AOPEP: variants seen among roughly 807,000 people sequenced by gnomAD.
AOPEP encodes the protein aminopeptidase O.
AOPEP carries 77 observed loss-of-function variants against 98.1 expected under a neutral mutation model. The observed-to-expected ratio is 0.78, with a 90% CI of 0.65 to 0.95. AOPEP has a LOEUF of 0.95. Ranked by LOEUF, AOPEP falls within the 40% of genes least tolerant of loss-of-function variation. AOPEP has a pLI of 0.00. For missense variants in AOPEP, 1,024 were observed against 1,024.7 expected (o/e 1.00, Z 0.01); for synonymous variants, 346 against 365.3 (o/e 0.95, Z 0.60).
At position 95,067,909 on chromosome 9, in the gene AOPEP, T is replaced by G. The variant is rs543516622; in HGVS notation, c.2232+7099T>G. ...TCTATAGATTTGCCTATTCTGGGCC[T>G]TCACATAAATGGAATTATATATAAT... On this transcript the variant is annotated intron_variant, in intron 14 of 16. Coordinates refer to ENST00000375315, the MANE Select transcript of AOPEP (RefSeq NM_001193329.3). Among the ~76,000 whole-genome samples the G allele has an allele frequency of 2.6e-5, 4 of 152,348 alleles. No homozygotes were observed. The East Asian group carries it at 7.7e-4, about 29-fold the overall frequency.
intron 4 of AOPEP, among the ~76,000 whole-genome samples, chr9:94,798,451 G>A (rs117214877): frequency 0.037 from 5,685 of 152,240 alleles, 146 homozygotes; most frequent in Non-Finnish European, 0.059. Flanking sequence ...GGTTGTATAC[G>A]ATCACCAGAA....
intron 13 of AOPEP, among the ~76,000 whole-genome samples, chr9:95,010,430 T>C (rs10821433): frequency 0.11 from 16,068 of 152,204 alleles, 987 homozygotes; most frequent in East Asian, 0.18. Context: ...AATGAACCTA[T>C]GGAGTGCTGA....
At chr9:94,942,810 C>T (rs2057153363) in intron 7 of AOPEP, among the ~76,000 whole-genome samples, 1 of 148,890 alleles carries the variant, frequency 6.7e-6, no homozygotes, top group South Asian at 2.1e-4. Context: ...AGGAAAAATT[C>T]ATTTACATCG....
intron 13 of AOPEP, chr9:95,022,005 C>T (rs1193640009): frequency 6.6e-6 from 1 of 152,218 alleles, no homozygotes; most frequent in Non-Finnish European, 1.5e-5. Context: ...AAATCAGACA[C>T]TGCTACAGGA....
At chr9:95,125,002 GA>G in the AOPEP span, 2 of 1,178,286 alleles carry the variant, frequency 1.7e-6, no homozygotes, top group East Asian at 4.8e-5. Context: ...CAAAATTATT[GA>G]AAATAAAGTG....
rs2047713023 is a variant in AOPEP, at chr9:94,882,574, A to C, written c.1365-41412A>C. On this transcript the variant is annotated intron_variant, in intron 5 of 16. Coordinates refer to ENST00000375315, the MANE Select transcript of AOPEP (RefSeq NM_001193329.3). Reference sequence around the variant, plus strand: ...GTGGATCACTTGAGGTCAGGAGTTCAAGACCAGCCTGGCTAGTATGTTGAA... The same window carrying C: ...GTGGATCACTTGAGGTCAGGAGTTCCAGACCAGCCTGGCTAGTATGTTGAA... 2.0e-5 allele frequency among the ~76,000 whole-genome samples: 3 copies of C among 152,280 alleles called. No homozygotes were observed. In the South Asian group the frequency reaches 6.2e-4, roughly 32 times the overall value.
intron 13 of AOPEP, among the ~76,000 whole-genome samples, chr9:95,023,097 T>C (rs1393552576): frequency 2.6e-5 from 4 of 152,218 alleles, no homozygotes; most frequent in African/African-American, 9.7e-5. Context: ...CAAAACAGAC[T>C]TCACGGGAAA....
At chr9:94,806,014 T>C (rs1849188467) in intron 5 of AOPEP, among the ~76,000 whole-genome samples, 1 of 152,230 alleles carries the variant, frequency 6.6e-6, no homozygotes, top group African/African-American at 2.4e-5. Flanking sequence ...GTTTGTTCTT[T>C]GTTGGCTTTA....
At chr9:95,123,498 T>G in the AOPEP span, 2 of 471,222 alleles carry the variant, frequency 4.2e-6, no homozygotes, top group Non-Finnish European at 8.5e-6. Context: ...AAATTAGTGC[T>G]TCCTCCAGTC....
At chr9:94,816,998 A>C (rs1438729063) in intron 5 of AOPEP, among the ~76,000 whole-genome samples, 5 of 152,164 alleles carry the variant, frequency 3.3e-5, no homozygotes, top group African/African-American at 1.2e-4. Flanking sequence ...ATTGTACTGC[A>C]TTCTGTTTCC....
chr9:94,886,662 T>G (rs904627325), intron 5 of AOPEP, among the ~76,000 whole-genome samples: 2 of 152,226 alleles, frequency 1.3e-5, no homozygotes, highest in South Asian at 4.1e-4. Flanking sequence ...TCCTACAGTT[T>G]GATTGTTTTC....
At chr9:94,798,778 GTTAAT>G (rs999471944) in intron 4 of AOPEP, among the ~76,000 whole-genome samples, 1 of 152,172 alleles carries the variant, frequency 6.6e-6, no homozygotes. Flanking sequence ...TACTGTGGTG[GTTAAT>G]TTAATCAGTG....
intron 11 of AOPEP, among the ~76,000 whole-genome samples, chr9:94,991,246 T>A: frequency 6.6e-6 from 1 of 152,212 alleles, no homozygotes; most frequent in East Asian, 1.9e-4. Context: ...TTTCCTTCTC[T>A]TTTGTGGAAG....
intron 14 of AOPEP, among the ~76,000 whole-genome samples, chr9:95,073,474 C>T (rs373807595): frequency 3.3e-5 from 5 of 151,948 alleles, no homozygotes; most frequent in Non-Finnish European, 5.9e-5. Flanking sequence ...AAGAGGCCGG[C>T]GCGGTGGCTC....
chr9:94,777,356 C>T (rs1401664619), intron 3 of AOPEP, among the ~76,000 whole-genome samples: 3 of 150,820 alleles, frequency 2.0e-5, no homozygotes, highest in Non-Finnish European at 2.9e-5. Context: ...GGCGTGAACC[C>T]GGGAGGCGGA....
chr9:95,082,736 C>G lies in AOPEP; in HGVS notation c.*4+17C>G, dbSNP rs2069981965. ...TTTAACGAGGTGATTCTCTCCCTTT[C>G]CTTTCTGTCATTTAGTTCTAACCAG... On this transcript the variant is annotated intron_variant, in intron 16 of 16. Coordinates refer to ENST00000375315, the MANE Select transcript of AOPEP (RefSeq NM_001193329.3). 9 of 1,613,636 alleles carry G rather than the reference C, an allele frequency of 5.6e-6. 1 individual carries two copies. In the South Asian group the frequency reaches 8.8e-5, roughly 16 times the overall value.
chr9:95,110,549 A>AATT, the AOPEP span: 1 of 1,032,186 alleles, frequency 9.7e-7, no homozygotes, highest in Non-Finnish European at 1.2e-6. Flanking sequence ...ATCCAAAATA[A>AATT]ATTATCACCA....
intron 11 of AOPEP, among the ~76,000 whole-genome samples, chr9:95,002,345 A>G (rs1215928112): frequency 6.6e-6 from 1 of 152,190 alleles, no homozygotes; most frequent in African/African-American, 2.4e-5. Context: ...AACAAAAATC[A>G]AGAACAAAAG....
chr9:94,772,986 T>C lies in AOPEP; in HGVS notation c.798-16T>C. 1.3e-6 allele frequency: 2 copies of C among 1,566,356 alleles called. No homozygotes were observed. The highest frequency in any genetic ancestry group is 1.8e-5 in the Admixed American group (1 of 54,180). On this transcript the variant is annotated splice_polypyrimidine_tract_variant and intron_variant, in intron 2 of 16. Transcript: ENST00000375315. ...TAAAGATTCACCCCCTTTCTTTCTT[T>C]GTCTCTCTTCTGCAGGCCATGTGTT...
Sources: gnomAD v4.1 joint callset for allele counts (sites outside exome capture counted in the v4.1 genomes callset) on GRCh38, gnomAD v4.1.1 for gene constraint, MANE v1.5 for transcripts, NCBI Gene and HGNC (gene_info 2026-07-23, HGNC 2026-07-21) for gene names.